ABCA9: variants seen among roughly 807,000 people sequenced by gnomAD.
ABCA9 encodes ATP binding cassette subfamily A member 9.
Under a neutral mutation model 205.3 loss-of-function variants are expected in ABCA9, and 183 were observed. The observed-to-expected ratio is 0.89, with a 90% confidence interval of 0.79 to 1.01. ABCA9 has a LOEUF of 1.01. Ranked by LOEUF, ABCA9 falls within the 50% of genes least tolerant of loss-of-function variation. The probability of loss-of-function intolerance (pLI) is 0.00; values close to 1 mark genes in which losing one functional copy is unlikely to be tolerated. For synonymous variants in ABCA9, 651 were observed against 683.3 expected (o/e 0.95, Z 0.74); for missense variants, 1,805 against 1,912.4 (o/e 0.94, Z 1.05).
chr17:68,998,895 G>T (rs1215684686), intron 25 of ABCA9, among the ~76,000 whole-genome samples: 4 of 150,988 alleles, frequency 2.6e-5, no homozygotes, highest in Non-Finnish European at 5.9e-5. Flanking sequence ...TATTAAATGT[G>T]TATTCTTTTA....
At position 69,018,561 on chromosome 17, in the gene ABCA9, A is replaced by G; in HGVS notation, c.2619T>C (p.Ile873=). ...GTTCCAAAAGTTGAGGGATAAAGCT[A>G]ATACCAAAAAGCAATAATCTATGCA... ...SLWTILLLFG[I]SFIPQLLEHL... The change falls in exon 20 of 39, where the codon ATT becomes ATC. Residue 873 remains isoleucine (I), a synonymous_variant. Transcript: ENST00000340001. 1.3e-6 allele frequency: 2 copies of G among 1,594,956 alleles called. No homozygotes were observed. The highest frequency in any genetic ancestry group is 1.7e-6 in the Non-Finnish European group (2 of 1,173,974).
chr17:69,037,201 T>C (rs1307500214), intron 6 of ABCA9, among the ~76,000 whole-genome samples: 2 of 152,160 alleles, frequency 1.3e-5, no homozygotes, highest in African/African-American at 4.8e-5. Flanking sequence ...AACTTAGCTA[T>C]GGACCAAGCA....
rs894442304 is a variant in ABCA9 at position 69,033,844 on chromosome 17, A to G, written c.1158T>C (p.Ser386=). Residue 386 remains serine, a synonymous_variant, in exon 9 of 39, where the codon TCT becomes TCC. Transcript: ENST00000340001. ...QLIHLDYDVN[S]NAHLDSSQNP... ...TTTGTGAAGAATCCAAGTGGGCATT[A>G]GAATTCACATCATAGTCCAAATGTA... The G allele has an allele frequency of 6.2e-7, 1 of 1,605,820 alleles. No homozygotes were observed. Among genetic ancestry groups the G allele is most frequent in the Non-Finnish European group, 8.5e-7 (1 of 1,173,718 alleles).
chr17:68,986,999 A>G (rs1357883589), intron 31 of ABCA9, among the ~76,000 whole-genome samples: 1 of 152,162 alleles, frequency 6.6e-6, no homozygotes, highest in East Asian at 1.9e-4. Flanking sequence ...AGCATTTATT[A>G]TTTTTATTAG....
At position 69,028,518 on chromosome 17, in the gene ABCA9, G is replaced by T. The variant is rs1485656147; in HGVS notation, c.1615+17C>A. On this transcript the variant is annotated intron_variant, in intron 12 of 38. Transcript: ENST00000340001. ...GTGTTTGTCCAGGTACTTGTCCTTGGATAACTGTCTTCTTACCTGATGTTG... is the reference window on the plus strand; with the variant it reads ...GTGTTTGTCCAGGTACTTGTCCTTGTATAACTGTCTTCTTACCTGATGTTG... 6.6e-7 allele frequency: 1 copy of T among 1,519,792 alleles called. No homozygotes were observed. Among genetic ancestry groups the T allele is most frequent in the Non-Finnish European group, 9.0e-7 (1 of 1,106,948 alleles). The allele number at this position is 1,519,792 out of a possible 1,614,324, so 94.1% of individuals were successfully genotyped here. A position where few individuals can be genotyped will look rare whatever the true frequency, so the allele number is the denominator to read the frequency against.
chr17:69,053,226 C>G (rs1395295258), intron 1 of ABCA9, among the ~76,000 whole-genome samples: 1 of 152,198 alleles, frequency 6.6e-6, no homozygotes, highest in Non-Finnish European at 1.5e-5. Context: ...TCCCTGGCAA[C>G]CAGTCCTATC....
intron 30 of ABCA9, 138 bp from the exon 31 acceptor site, chr17:68,989,256 T>TCTCACA (rs138281321): frequency 0.023 from 5,505 of 241,994 alleles, 232 homozygotes; most frequent in African/African-American, 0.096. Flanking sequence ...TCTCTCTCTC[T>TCTCACA]CACACACACA....
intron 10 of ABCA9, 56 bp from the exon 11 acceptor site, chr17:69,029,283 TAAGTC>T (rs1472987842): frequency 7.9e-6 from 9 of 1,134,806 alleles, no homozygotes; most frequent in Admixed American, 4.7e-5. Context: ...AGAGGATTGA[TAAGTC>T]AAGTCTTTGA....
intron 3 of ABCA9, among the ~76,000 whole-genome samples, chr17:69,046,096 C>T (rs893835931): frequency 6.6e-6 from 1 of 152,078 alleles, no homozygotes; most frequent in African/African-American, 2.4e-5. Context: ...TACAAACAAA[C>T]CTATCTAAAG....
intron 26 of ABCA9, among the ~76,000 whole-genome samples, 161 bp from the exon 27 acceptor site, chr17:68,993,245 T>C (rs1435944548): frequency 1.3e-5 from 2 of 152,258 alleles, no homozygotes; most frequent in African/African-American, 4.8e-5. Context: ...CTGTGCAGTA[T>C]GTCTTCTTTG....
intron 37 of ABCA9, among the ~76,000 whole-genome samples, chr17:68,978,046 T>A (rs559392143): frequency 1.3e-5 from 2 of 152,210 alleles, no homozygotes; most frequent in African/African-American, 2.4e-5. Flanking sequence ...TGTCTCGATC[T>A]GTCTAATGTT....
chr17:69,078,946 C>A, the ABCA9 span: 1 of 1,454,970 alleles, frequency 6.9e-7, no homozygotes, highest in Non-Finnish European at 9.5e-7. Flanking sequence ...TATAGGAGAT[C>A]AACAAAAAAT....
At chr17:69,031,858 T>C (rs1165824474) in intron 10 of ABCA9, among the ~76,000 whole-genome samples, 1 of 151,982 alleles carries the variant, frequency 6.6e-6, no homozygotes, top group African/African-American at 2.4e-5. Context: ...ATGTGGAAAA[T>C]GGAAATTCAA....
chr17:68,976,908 G>A (rs78196338), intron 37 of ABCA9, among the ~76,000 whole-genome samples: 3,028 of 152,306 alleles, frequency 0.02, 59 homozygotes, highest in Non-Finnish European at 0.032. Flanking sequence ...ATAAGAAGAG[G>A]AAGATAATGA....
Position 68,975,720 on chromosome 17 carries a change from G to A in ABCA9, c.*195C>T. ...GCTGGCACAAAGGCTGCATGGTATGGCTTAGGCTTATGCCCTATGATCGCC... is the reference window on the plus strand; with the variant it reads ...GCTGGCACAAAGGCTGCATGGTATGACTTAGGCTTATGCCCTATGATCGCC... On this transcript the variant is annotated 3_prime_UTR_variant, in exon 39 of 39. Coordinates refer to ENST00000340001, the MANE Select transcript of ABCA9 (RefSeq NM_080283.4). 1.8e-6 allele frequency: 1 copy of A among 561,976 alleles called. No homozygotes were observed. Among genetic ancestry groups the A allele is most frequent in the Non-Finnish European group, 3.2e-6 (1 of 315,304 alleles). 34.8% of individuals were successfully genotyped at this position (561,976 alleles called of 1,614,324 possible).
intron 1 of ABCA9, among the ~76,000 whole-genome samples, chr17:69,053,477 C>T (rs934148828): frequency 2.6e-5 from 4 of 151,980 alleles, no homozygotes; most frequent in Non-Finnish European, 2.9e-5. Flanking sequence ...CATGCAGGAA[C>T]GATGGGCAAG....
chr17:68,995,853 C>T lies in ABCA9; in HGVS notation c.3555+42G>A, dbSNP rs777122505. 4.4e-6 allele frequency: 7 copies of T among 1,608,176 alleles called. No individual in the cohort carries two copies. In the East Asian group the frequency reaches 1.6e-4, roughly 36 times the overall value. The stretch of plus-strand genomic sequence containing the variant: ...CAATATTCATGGCTTTCTCAAATGA[C>T]CACACATTTCATGACCCTCAGACAG... On this transcript the variant is annotated intron_variant, in intron 26 of 38. Coordinates refer to ENST00000340001, the MANE Select transcript of ABCA9 (RefSeq NM_080283.4).
chr17:69,024,370 A>G lies in ABCA9; in HGVS notation c.2142-17T>C, dbSNP rs764043885. The G allele has an allele frequency of 3.2e-6, 5 of 1,548,398 alleles. No individual in the cohort carries two copies. Among genetic ancestry groups the G allele is most frequent in the Non-Finnish European group, 4.4e-6 (5 of 1,148,988 alleles). On this transcript the variant is annotated splice_polypyrimidine_tract_variant and intron_variant, in intron 16 of 38. Coordinates refer to ENST00000340001, the MANE Select transcript of ABCA9 (RefSeq NM_080283.4). Reference sequence around the variant, plus strand: ...AGATGCAAACTAACATTTAAAAAGAATAAAAGTTATTTTTATCCAACTGTG... The same window carrying G: ...AGATGCAAACTAACATTTAAAAAGAGTAAAAGTTATTTTTATCCAACTGTG...
chr17:69,062,588 G>T (rs568573763), upstream of ABCA9, among the ~76,000 whole-genome samples: 1 of 152,172 alleles, frequency 6.6e-6, no homozygotes, highest in African/African-American at 2.4e-5. Flanking sequence ...TCGGCTCAAT[G>T]GAACCTCTGC....
Sources: gnomAD v4.1 joint callset for allele counts (sites outside exome capture counted in the v4.1 genomes callset) on GRCh38, gnomAD v4.1.1 for gene constraint, MANE v1.5 for transcripts, NCBI Gene and HGNC (gene_info 2026-07-23, HGNC 2026-07-21) for gene names.